FRMD4A: variants seen among roughly 807,000 people sequenced by gnomAD.
FRMD4A encodes the protein FERM domain containing 4A, also known as FERM domain-containing protein 4A.
A neutral mutation model predicts 129.1 loss-of-function variants in FRMD4A; 29 were observed. The ratio of observed to expected loss-of-function variants is 0.22; its 90% CI spans 0.17 to 0.31. The LOEUF (loss-of-function observed/expected upper bound fraction) is 0.31, where lower values mean the gene tolerates loss of function less well. Ranked by LOEUF, FRMD4A falls within the 10% of genes least tolerant of loss-of-function variation. FRMD4A has a pLI of 1.00. For missense variants in FRMD4A, 1,272 were observed against 1,375.8 expected, an observed-to-expected ratio of 0.92 and a Z score of 1.19; for synonymous variants, 634 against 571.6, an observed-to-expected ratio of 1.11 and a Z score of -1.56.
At chr10:14,188,934 A>C (rs563142747) in intron 2 of FRMD4A, among the ~76,000 whole-genome samples, 1 of 152,296 alleles carries the variant, frequency 6.6e-6, no homozygotes, top group East Asian at 1.9e-4. Flanking sequence ...AATCCCGCCC[A>C]AAACAACTCC....
At chr10:13,753,737 G>T (rs928955265) in intron 8 of FRMD4A, among the ~76,000 whole-genome samples, 3 of 151,744 alleles carry the variant, frequency 2.0e-5, no homozygotes, top group Non-Finnish European at 2.9e-5. Context: ...TAGAGATGAG[G>T]TCTCACTATG....
intron 2 of FRMD4A, among the ~76,000 whole-genome samples, chr10:14,095,346 T>G (rs182064926): frequency 6.6e-6 from 1 of 152,166 alleles, no homozygotes; most frequent in Non-Finnish European, 1.5e-5. Flanking sequence ...CTGCTAGCCA[T>G]CACTTTCATG....
intron 2 of FRMD4A, among the ~76,000 whole-genome samples, chr10:14,227,209 C>T (rs891183797): frequency 7.2e-6 from 1 of 139,330 alleles, no homozygotes; most frequent in African/African-American, 2.6e-5. Flanking sequence ...CTTCTTTCTT[C>T]TTTCCCCTTC....
At chr10:13,912,995 C>A (rs1391725774) in intron 2 of FRMD4A, among the ~76,000 whole-genome samples, 5 of 150,952 alleles carry the variant, frequency 3.3e-5, no homozygotes, top group African/African-American at 1.2e-4. Flanking sequence ...ACCTCTTGAA[C>A]TCGGGAGGCA....
chr10:13,891,756 G>A, intron 2 of FRMD4A: 2 of 982,796 alleles, frequency 2.0e-6, no homozygotes, highest in Non-Finnish European at 2.4e-6. Context: ...CGCAGCTGGC[G>A]AGCCCCCGCC....
chr10:14,180,006 C>T (rs1343073708), intron 2 of FRMD4A, among the ~76,000 whole-genome samples: 2 of 152,114 alleles, frequency 1.3e-5, no homozygotes, highest in African/African-American at 4.8e-5. Context: ...TGCACTCCAG[C>T]CTGGGCTACA....
At chr10:13,747,863 A>G in intron 8 of FRMD4A, 44 bp from the exon 9 acceptor site, 1 of 1,044,896 alleles carries the variant, frequency 9.6e-7, no homozygotes. Context: ...CTCTGAGAAA[A>G]TAATCGCACT....
At chr10:14,189,501 G>A (rs1842252435) in intron 2 of FRMD4A, among the ~76,000 whole-genome samples, 1 of 152,134 alleles carries the variant, frequency 6.6e-6, no homozygotes, top group South Asian at 2.1e-4. Context: ...TAGAACCTGG[G>A]AGGCGGAGGT....
At chr10:13,975,409 G>A (rs1242302099) in intron 2 of FRMD4A, among the ~76,000 whole-genome samples, 1 of 152,002 alleles carries the variant, frequency 6.6e-6, no homozygotes, top group Non-Finnish European at 1.5e-5. Flanking sequence ...GTGTGTGTCT[G>A]TGCATATGTG....
chr10:14,227,243 C>CTTTTTTTTTTTTTTTTTT lies in FRMD4A; in HGVS notation c.45+102797_45+102814dup, dbSNP rs10674411. 4.7e-5 allele frequency among the ~76,000 whole-genome samples: 3 copies of CTTTTTTTTTTTTTTTTTT among 64,100 alleles called. 1 individual carries two copies. The highest frequency in any genetic ancestry group is 6.2e-5 in the African/African-American group (1 of 16,006). 42.1% of individuals were successfully genotyped at this position (64,100 alleles called of 152,430 possible). ...TCCTCCTCCTCCTTCTCTTCTTCTTCTTTTTTTTTTTTTTTTTTTTTTTTT... is the reference window on the plus strand; with the variant it reads ...TCCTCCTCCTCCTTCTCTTCTTCTTCTTTTTTTTTTTTTTTTTTTTTTTTTTTTTTTTTTTTTTTTTTT... On this transcript the variant is annotated intron_variant, in intron 2 of 24. Transcript: ENST00000357447.
chr10:13,920,131 C>G (rs1367185490), intron 2 of FRMD4A, among the ~76,000 whole-genome samples: 1 of 152,182 alleles, frequency 6.6e-6, no homozygotes, highest in East Asian at 1.9e-4. Context: ...AAAGGGTCTA[C>G]AGCAACTGAG....
intron 2 of FRMD4A, among the ~76,000 whole-genome samples, chr10:14,008,998 T>C (rs977861660): frequency 6.6e-6 from 1 of 152,256 alleles, no homozygotes. Context: ...CTCATTTAAA[T>C]GTTTGTGTTA....
At chr10:14,241,452 C>T (rs1844037323) in intron 2 of FRMD4A, among the ~76,000 whole-genome samples, 1 of 151,952 alleles carries the variant, frequency 6.6e-6, no homozygotes, top group Non-Finnish European at 1.5e-5. Flanking sequence ...TTATTCAACA[C>T]TAAGATTTCC....
intron 2 of FRMD4A, among the ~76,000 whole-genome samples, chr10:14,178,766 G>C (rs1220691163): frequency 1.3e-5 from 2 of 151,558 alleles, no homozygotes; most frequent in African/African-American, 2.4e-5. Flanking sequence ...ACCATCTGGG[G>C]TTAACCCAAA....
intron 2 of FRMD4A, among the ~76,000 whole-genome samples, chr10:13,882,834 C>T (rs1419484862): frequency 6.6e-6 from 1 of 150,504 alleles, no homozygotes; most frequent in Non-Finnish European, 1.5e-5. Context: ...GAGACACACT[C>T]GCTCTGTCAC....
chr10:14,330,241 A>G, intron 1 of FRMD4A, 58 bp from the exon 2 acceptor site: 2 of 788,596 alleles, frequency 2.5e-6, no homozygotes, highest in Non-Finnish European at 4.2e-6. Flanking sequence ...AGGGGAAGAT[A>G]GGCCACCTTT....
Position 13,838,523 on chromosome 10 carries a change from C to T in FRMD4A, c.111+20324G>A, listed in dbSNP as rs377574389. Among the ~76,000 whole-genome samples the T allele has an allele frequency of 1.0e-4, 15 of 149,378 alleles. No homozygotes were observed. The East Asian group carries it at 2.4e-3, about 24-fold the overall frequency. ...CCCTTTTTTTTTTGAGATTGAGTCT[C>T]GCTCTGTTGCCCAGGCTGGAGTGTA... On this transcript the variant is annotated intron_variant, in intron 3 of 24. Transcript: ENST00000357447.
At chr10:14,127,933 TC>T (rs1473030609) in intron 2 of FRMD4A, among the ~76,000 whole-genome samples, 4 of 7,858 alleles carry the variant, frequency 5.1e-4, no homozygotes, top group African/African-American at 9.1e-4. Context: ...TTTCTTTCTT[TC>T]TTTCTTTCTT....
intron 12 of FRMD4A, among the ~76,000 whole-genome samples, chr10:13,724,131 G>A (rs1484176936): frequency 6.6e-6 from 1 of 152,228 alleles, no homozygotes; most frequent in African/African-American, 2.4e-5. Flanking sequence ...GCTCAGGCCT[G>A]TAATCCCAGC....
Sources: allele counts gnomAD v4.1 joint callset (sites outside exome capture counted in the v4.1 genomes callset), GRCh38; gene constraint gnomAD v4.1.1; transcripts MANE v1.5; gene names NCBI Gene and HGNC (gene_info 2026-07-23, HGNC 2026-07-21).